The following AGK variants were observed in gnomAD, a reference collection of about 807,000 sequenced individuals.
AGK encodes the protein acylglycerol kinase, mitochondrial.
AGK carries 52 observed loss-of-function variants against 66.4 expected under a neutral mutation model. The observed-to-expected ratio is 0.78, with a 90% CI of 0.63 to 0.99. The LOEUF (loss-of-function observed/expected upper bound fraction) is 0.99. Ranked by LOEUF, AGK falls within the 50% of genes least tolerant of loss-of-function variation. The pLI is 0.00. For synonymous variants in AGK, 182 were observed against 181.1 expected (o/e 1.00, Z -0.04); for missense variants, 451 against 506.6 (o/e 0.89, Z 1.05).
In AGK at chr7:141,644,554, CTT is replaced by C. The variant is rs1797364768; in HGVS notation, c.975+2647_975+2648del. ...ATAGAATGTGTGAAAATTAGGATCTCTTATACAACTATGCTCACTGTATAATA... is the reference window on the plus strand; with the variant it reads ...ATAGAATGTGTGAAAATTAGGATCTCATACAACTATGCTCACTGTATAATA... On this transcript the variant is annotated intron_variant, in intron 13 of 15. Transcript: ENST00000649286. Among the ~76,000 whole-genome samples, 4 of 152,124 alleles carry C rather than the reference CTT, an allele frequency of 2.6e-5. No individual in the cohort carries two copies. In the South Asian group the frequency reaches 8.3e-4, roughly 32 times the overall value.
intron 8 of AGK, among the ~76,000 whole-genome samples, chr7:141,617,034 C>T (rs11773340): frequency 0.38 from 57,259 of 151,872 alleles, 11,717 homozygotes; most frequent in East Asian, 0.54. Context: ...GTTGGCCATA[C>T]TTTTTATTCC....
At chr7:141,569,335 A>G (rs1002085450) in intron 2 of AGK, among the ~76,000 whole-genome samples, 1 of 152,102 alleles carries the variant, frequency 6.6e-6, no homozygotes, top group Non-Finnish European at 1.5e-5. Flanking sequence ...GGAGATCAAG[A>G]CCATCCTGGC....
At chr7:141,601,055 CTTG>C (rs572217303) in intron 4 of AGK, 147 bp from the exon 5 acceptor site, 20 of 561,428 alleles carry the variant, frequency 3.6e-5, no homozygotes, top group South Asian at 2.7e-4. Context: ...TAACTCATTA[CTTG>C]TTGTTAAACT....
intron 13 of AGK, among the ~76,000 whole-genome samples, chr7:141,647,029 T>C (rs571185167): frequency 4.6e-5 from 7 of 152,238 alleles, no homozygotes; most frequent in Admixed American, 4.6e-4. Flanking sequence ...TCCTCCTGAC[T>C]CATCACTGCT....
In AGK at chr7:141,621,725, CTT is replaced by C. The variant is rs770005760; in HGVS notation, c.519-4_519-3del. ...TCATAATATGATCATTTCCTTTTCT[CTT>C]TTAGACATATTACTGATGCCACACT... is the stretch of plus-strand genomic sequence containing the variant. On this transcript the variant is annotated splice_polypyrimidine_tract_variant and splice_region_variant and intron_variant, in intron 8 of 15. Coordinates refer to ENST00000649286, the MANE Select transcript of AGK (RefSeq NM_018238.4). The C allele has an allele frequency of 4.0e-5, 64 of 1,608,626 alleles. No homozygotes were observed. The African/African-American group carries it at 6.0e-4, about 15-fold the overall frequency.
chr7:141,627,412 A>T (rs1796962009), intron 9 of AGK, among the ~76,000 whole-genome samples: 3 of 152,150 alleles, frequency 2.0e-5, no homozygotes. Context: ...CAGGATGAAC[A>T]TCTTATATTC....
At chr7:141,614,259 TC>T in intron 7 of AGK, 81 bp downstream of exon 7, 1 of 1,101,080 alleles carries the variant, frequency 9.1e-7, no homozygotes, top group Non-Finnish European at 1.3e-6. Flanking sequence ...ACTTTTTTTT[TC>T]CATTGTATAT....
intron 2 of AGK, among the ~76,000 whole-genome samples, chr7:141,556,962 G>GT (rs981665999): frequency 3.2e-4 from 48 of 152,236 alleles, no homozygotes; most frequent in African/African-American, 8.7e-4. Context: ...AAACAGAGAA[G>GT]TTTTTTTGTA....
chr7:141,596,132 CAT>C (rs1287796444), intron 3 of AGK, among the ~76,000 whole-genome samples: 2 of 152,122 alleles, frequency 1.3e-5, no homozygotes, highest in Admixed American at 6.5e-5. Context: ...TGTGTGTAAA[CAT>C]ATGAAGATTA....
chr7:141,627,029 A>C (rs1413738539), intron 9 of AGK, among the ~76,000 whole-genome samples: 1 of 152,194 alleles, frequency 6.6e-6, no homozygotes, highest in Admixed American at 6.5e-5. Context: ...GAACATATAC[A>C]CATAGATAAA....
rs1796284169 is a variant in AGK at position 141,598,865 on chromosome 7, T to C, written c.221+2224T>C. On this transcript the variant is annotated intron_variant, in intron 4 of 15. Coordinates refer to ENST00000649286, the MANE Select transcript of AGK (RefSeq NM_018238.4). The surrounding 1 kb of genome is among the most constrained non-coding windows in gnomAD (Gnocchi z 4.2). ...GCAATAACCAGTTATTTTGAGTTCCTGCTTCTAAGAGGTATCTACATTTTT... is the reference window on the plus strand; with the variant it reads ...GCAATAACCAGTTATTTTGAGTTCCCGCTTCTAAGAGGTATCTACATTTTT... The C allele has an allele frequency of 6.6e-6, 1 of 152,208 alleles. No individual in the cohort carries two copies. Among genetic ancestry groups the C allele is most frequent in the South Asian group, 2.1e-4 (1 of 4,834 alleles). 9.4% of individuals were successfully genotyped at this position (152,208 alleles called of 1,614,324 possible). A position where few individuals can be genotyped will look rare whatever the true frequency, so the allele number is the denominator to read the frequency against.
intron 2 of AGK, among the ~76,000 whole-genome samples, chr7:141,574,086 T>C (rs907720158): frequency 1.3e-5 from 2 of 152,168 alleles, no homozygotes; most frequent in Non-Finnish European, 2.9e-5. Flanking sequence ...CTAGTAAAGA[T>C]AATGTTACAC....
chr7:141,646,476 C>T (rs1797416443), intron 13 of AGK, among the ~76,000 whole-genome samples: 1 of 152,056 alleles, frequency 6.6e-6, no homozygotes, highest in South Asian at 2.1e-4. Context: ...TAAAGGCTGC[C>T]CTCTTCCCTG....
At chr7:141,591,424 G>A (rs1201012967) in intron 2 of AGK, among the ~76,000 whole-genome samples, 2 of 152,078 alleles carry the variant, frequency 1.3e-5, no homozygotes, top group South Asian at 2.1e-4. Context: ...GATTCACAGC[G>A]TCCATACTTC....
chr7:141,641,503 G>A, intron 12 of AGK, 105 bp downstream of exon 12: 2 of 1,294,332 alleles, frequency 1.5e-6, no homozygotes, highest in Non-Finnish European at 2.1e-6. Context: ...AGCAGGAGAA[G>A]CCTCTCAGGG....
intron 5 of AGK, among the ~76,000 whole-genome samples, chr7:141,604,133 C>G (rs979049354): frequency 5.3e-5 from 8 of 151,536 alleles, no homozygotes; most frequent in African/African-American, 1.9e-4. Flanking sequence ...AATAGAAATA[C>G]TAATGTTTAC....
intron 11 of AGK, among the ~76,000 whole-genome samples, chr7:141,638,402 C>G (rs909970920): frequency 6.6e-6 from 1 of 152,052 alleles, no homozygotes; most frequent in African/African-American, 2.4e-5. Flanking sequence ...TAGGTAAGGG[C>G]AGGTTATGGC....
rs148763756 is a variant in AGK at position 141,584,125 on chromosome 7, C to T, written c.102-9021C>T. ...TTTAATCACCTGGGTGCAGGTGGGC[C>T]GAGTCCGAAAAGAGAGTCAGCGAAG... On this transcript the variant is annotated intron_variant, in intron 2 of 15. Coordinates refer to ENST00000649286, the MANE Select transcript of AGK (RefSeq NM_018238.4). Among the ~76,000 whole-genome samples the T allele has an allele frequency of 7.7e-3, 1,166 of 151,904 alleles. 21 individuals are homozygous for T. Among genetic ancestry groups the T allele is most frequent in the African/African-American group, 0.026 (1,061 of 41,386 alleles).
chr7:141,615,389 A>G (rs1796681477), intron 7 of AGK, 82 bp from the exon 8 acceptor site: 2 of 1,086,932 alleles, frequency 1.8e-6, no homozygotes, highest in Non-Finnish European at 2.8e-6. Flanking sequence ...GTTATTTGTC[A>G]TAGTGGACAC....
Sources: allele counts gnomAD v4.1 joint callset (sites outside exome capture counted in the v4.1 genomes callset), GRCh38; gene constraint gnomAD v4.1.1; non-coding constraint Gnocchi (gnomAD v3.1); transcripts MANE v1.5; gene names NCBI Gene and HGNC (gene_info 2026-07-23, HGNC 2026-07-21).